The following HMCN2 variants were observed in gnomAD, a reference collection of about 807,000 sequenced individuals.
The protein encoded by HMCN2 is hemicentin-2.
Under a neutral mutation model 377.5 loss-of-function variants are expected in HMCN2, and 325 were observed. The observed-to-expected ratio is 0.86, with a 90% CI of 0.79 to 0.94. The LOEUF is 0.94. Ranked by LOEUF, HMCN2 falls within the 40% of genes least tolerant of loss-of-function variation. The pLI is 0.00. For synonymous variants in HMCN2, 2,007 were observed against 2,046.8 expected (o/e 0.98, Z 0.53); for missense variants, 4,543 against 4,725.3 (o/e 0.96, Z 1.13).
At position 130,306,125 on chromosome 9, in the gene HMCN2, A is replaced by G. The variant is rs1554936590; in HGVS notation, c.1817-4A>G. On this transcript the variant is annotated splice_polypyrimidine_tract_variant and splice_region_variant and intron_variant, in intron 11 of 97. Coordinates refer to ENST00000683500, the MANE Select transcript of HMCN2 (RefSeq NM_001291815.2). ...TCCTCGCCTATCCACTTTTTGGGTC[A>G]CAGAGGCCCCACAGGTCAGCATCCA... is the stretch of plus-strand genomic sequence containing the variant. 2 of 471,028 alleles carry G rather than the reference A, an allele frequency of 4.2e-6. No homozygotes were observed. Among genetic ancestry groups the G allele is most frequent in the South Asian group, 3.1e-5 (2 of 64,562 alleles). The allele number at this position is 471,028 out of a possible 1,614,324, so 29.2% of individuals were successfully genotyped here.
Position 130,351,409 on chromosome 9 carries a change from G to T in HMCN2, c.4431-14G>T. On this transcript the variant is annotated splice_polypyrimidine_tract_variant and intron_variant, in intron 29 of 97. Transcript: ENST00000683500. This position sits in a 1 kb window ranked among gnomAD's most constrained non-coding sequence, Gnocchi z 5.4. ...TCGGCCTTACTGGCGCTTTTCCCTT[G>T]CCCGTCTCTCCAGGCCTGTCCTTCC... 7.7e-7 allele frequency: 1 copy of T among 1,296,440 alleles called. No individual in the cohort carries two copies. The highest frequency in any genetic ancestry group is 1.0e-6 in the Non-Finnish European group (1 of 983,174). The allele number at this position is 1,296,440 out of a possible 1,614,324, so 80.3% of individuals were successfully genotyped here. A position where few individuals can be genotyped will look rare whatever the true frequency, so the allele number is the denominator to read the frequency against.
chr9:130,302,107 T>C (rs2131337322), intron 8 of HMCN2, among the ~76,000 whole-genome samples: 1 of 151,860 alleles, frequency 6.6e-6, no homozygotes, highest in Non-Finnish European at 1.5e-5. Flanking sequence ...AGTGGTGTGA[T>C]CTTGGCTCAC....
chr9:130,429,367 T>C (rs762401301), intron 93 of HMCN2, 190 bp from the exon 94 acceptor site: 159 of 663,454 alleles, frequency 2.4e-4, no homozygotes, highest in Non-Finnish European at 3.7e-4. Flanking sequence ...CTCTGGGACC[T>C]GGAACCCTGT....
In HMCN2 at chr9:130,394,572, G is replaced by A; in HGVS notation, c.10689G>A (p.Val3563=). The A allele has an allele frequency of 7.8e-7, 1 of 1,284,758 alleles. No homozygotes were observed. Among genetic ancestry groups the A allele is most frequent in the Admixed American group, 2.3e-5 (1 of 43,280 alleles). The allele number at this position is 1,284,758 out of a possible 1,614,324, so 79.6% of individuals were successfully genotyped here. The change falls in exon 69 of 98, where the codon GTG becomes GTA. Residue 3563 remains valine (V), a synonymous_variant. Coordinates refer to ENST00000683500, the MANE Select transcript of HMCN2 (RefSeq NM_001291815.2). This position sits in a 1 kb window ranked among gnomAD's most constrained non-coding sequence, Gnocchi z 5.1. ...CACGGGTGCTCCGGGTGGAGAATGTGCAGGTACCAGTGCCGCCGCCATGGG... is the reference window on the plus strand; with the variant it reads ...CACGGGTGCTCCGGGTGGAGAATGTACAGGTACCAGTGCCGCCGCCATGGG... ...RATRVLRVEN[V]QVRDAGLYTC...
At position 130,392,239 on chromosome 9, in the gene HMCN2, C is replaced by T. The variant is rs530408749; in HGVS notation, c.10136+121C>T. ...GCAACACCCACTCCCCACCCCACAG[C>T]GAGTGTGGACTGCGCCCCAGATGCT... On this transcript the variant is annotated intron_variant, in intron 66 of 97. Transcript: ENST00000683500. 9 of 659,174 alleles carry T rather than the reference C, an allele frequency of 1.4e-5. No homozygotes were observed. In the South Asian group the frequency reaches 2.0e-4, roughly 15 times the overall value. 40.8% of individuals were successfully genotyped at this position (659,174 alleles called of 1,614,324 possible).
chr9:130,399,894 C>T (rs1165178254), intron 76 of HMCN2, among the ~76,000 whole-genome samples: 1 of 152,172 alleles, frequency 6.6e-6, no homozygotes. Context: ...CTTGTCATCA[C>T]CCCCGTTAAA....
chr9:130,406,023 C>T lies in HMCN2; in HGVS notation c.12408C>T (p.His4136=), dbSNP rs1382804007. The change falls in exon 82 of 98, where the codon CAC becomes CAT. Residue 4136 remains histidine (H), a synonymous_variant. Transcript: ENST00000683500. The part of the protein sequence containing the change: ...NAVGRARRRV[H]LTILVLPVFT... ...TGGGCCGGGCCCGCCGCCGCGTGCA[C>T]CTCACCATCCTGGTACTGCCTGTGT... 1 of 1,289,844 alleles carries T rather than the reference C, an allele frequency of 7.8e-7. No homozygotes were observed. The highest frequency in any genetic ancestry group is 5.5e-5 in the East Asian group (1 of 18,026). 79.9% of individuals were successfully genotyped at this position (1,289,844 alleles called of 1,614,324 possible). A position where few individuals can be genotyped will look rare whatever the true frequency, so the allele number is the denominator to read the frequency against.
At chr9:130,400,070 G>A (rs1842789697) in intron 76 of HMCN2, among the ~76,000 whole-genome samples, 1 of 152,168 alleles carries the variant, frequency 6.6e-6, no homozygotes, top group African/African-American at 2.4e-5. Context: ...TTGCCTCAAG[G>A]GGTTTGCACA....
At chr9:130,344,335 TGTATGTGATGTGTGTATGTA>T (rs1839224509) in intron 25 of HMCN2, among the ~76,000 whole-genome samples, 1 of 151,832 alleles carries the variant, frequency 6.6e-6, no homozygotes, top group African/African-American at 2.4e-5. Context: ...GTGTTCTGTG[TGTATGTGATGTGTGTATGTA>T]GTATGTGGTG....
intron 84 of HMCN2, 38 bp downstream of exon 84, chr9:130,408,971 G>T (rs748281267): frequency 8.0e-7 from 1 of 1,251,102 alleles, no homozygotes. Context: ...GGGCCACTGA[G>T]GACAACTCTA....
rs147315533 is a variant in HMCN2 at position 130,390,798 on chromosome 9, A to C, written c.9524-179A>C. ...AGAGCAAATCCTGGACACTGAAGGG[A>C]GGGGGTCCCTTGGGAAGAGCTGTCT... On this transcript the variant is annotated intron_variant, in intron 62 of 97. Coordinates refer to ENST00000683500, the MANE Select transcript of HMCN2 (RefSeq NM_001291815.2). Among the ~76,000 whole-genome samples, 992 of 151,930 alleles carry C rather than the reference A, an allele frequency of 6.5e-3. 3 individuals carry two copies. Among genetic ancestry groups the C allele is most frequent in the Non-Finnish European group, 9.7e-3 (658 of 67,948 alleles).
chr9:130,365,736 C>G lies in HMCN2; in HGVS notation c.6505+9C>G. The G allele has an allele frequency of 1.0e-6, 1 of 985,146 alleles. No individual in the cohort carries two copies. 61.0% of individuals were successfully genotyped at this position (985,146 alleles called of 1,614,324 possible). The stretch of plus-strand genomic sequence containing the variant: ...CAATCTGAACGTCTGGGGTGAGGGT[C>G]TCCCAGGCTGGGCAGGGGGAGGGGG... On this transcript the variant is annotated intron_variant, in intron 42 of 97. Coordinates refer to ENST00000683500, the MANE Select transcript of HMCN2 (RefSeq NM_001291815.2).
At chr9:130,374,127 A>G (rs1443057884) in intron 48 of HMCN2, among the ~76,000 whole-genome samples, 1 of 149,830 alleles carries the variant, frequency 6.7e-6, no homozygotes, top group Non-Finnish European at 1.5e-5. Flanking sequence ...GGGTGTGTGG[A>G]CGAATAGAGA....
intron 15 of HMCN2, among the ~76,000 whole-genome samples, chr9:130,317,773 G>C (rs1278635752): frequency 7.1e-6 from 1 of 140,528 alleles, no homozygotes. Context: ...GCGACAGAGC[G>C]AGACTCTGTC....
At position 130,350,734 on chromosome 9, in the gene HMCN2, A is replaced by AAAAAT. The variant is rs767172633; in HGVS notation, c.4431-688_4431-687insAAATA. On this transcript the variant is annotated intron_variant, in intron 29 of 97. Transcript: ENST00000683500. ...ACCTCGTCTCTACTAAAAATACAAA[A>AAAAAT]ATATATATATATATATACGGGCATG... 2.4e-3 allele frequency among the ~76,000 whole-genome samples: 350 copies of AAAAAT among 148,446 alleles called. 3 individuals carry two copies. Among genetic ancestry groups the AAAAAT allele is most frequent in the South Asian group, 0.013 (60 of 4,626 alleles).
At chr9:130,317,507 T>TCTCTCTC (rs1837627187) in intron 15 of HMCN2, among the ~76,000 whole-genome samples, 1 of 132,960 alleles carries the variant, frequency 7.5e-6, no homozygotes, top group African/African-American at 2.9e-5. Flanking sequence ...CTCTCTCTCT[T>TCTCTCTC]TTTTGTAGAC....
Position 130,418,994 on chromosome 9 carries a change from A to C in HMCN2, c.13184A>C (p.His4395Pro). ...GCAGGCACCTACGACTGCGTCGCTC[A>C]CAACCTCCTGGGCTCTGCCACAGCC... is the stretch of plus-strand genomic sequence containing the variant. ...GDAGTYDCVA[H>P]NLLGSATARA... Residue 4395 changes from histidine (H) to proline (P), a missense_variant, in exon 86 of 98, where the codon CAC becomes CCC. By Grantham distance (77) the His-to-Pro change is moderately conservative. Transcript: ENST00000683500. 1 of 1,505,910 alleles carries C rather than the reference A, an allele frequency of 6.6e-7. No individual in the cohort carries two copies. Among genetic ancestry groups the C allele is most frequent in the East Asian group, 2.5e-5 (1 of 40,362 alleles). The allele number at this position is 1,505,910 out of a possible 1,614,324, so 93.3% of individuals were successfully genotyped here.
chr9:130,348,503 A>T, intron 26 of HMCN2, 42 bp from the exon 27 acceptor site: 1 of 1,297,926 alleles, frequency 7.7e-7, no homozygotes, highest in South Asian at 1.2e-5. Context: ...TGTGGCTCTA[A>T]GGGGGCAGGG....
rs1302071634 is a variant in HMCN2 at position 130,349,092 on chromosome 9, G to T, written c.4264G>T (p.Ala1422Ser). The change falls in exon 28 of 98, where the codon GCT becomes TCT. Residue 1422 changes from alanine (A) to serine (S), a missense_variant. Physicochemically the swap from Ala to Ser is moderately conservative, Grantham distance 99 (BLOSUM62 1). Coordinates refer to ENST00000683500, the MANE Select transcript of HMCN2 (RefSeq NM_001291815.2). Reference sequence around the variant, plus strand: ...CTACTCCTGCCGGGCAGAGAACCAGGCTGGCACCGCCCAGAGGGACTTCCA... The same window carrying T: ...CTACTCCTGCCGGGCAGAGAACCAGTCTGGCACCGCCCAGAGGGACTTCCA... ...GLYSCRAENQ[A>S]GTAQRDFHLL... 2.3e-6 allele frequency: 3 copies of T among 1,304,232 alleles called. No homozygotes were observed. The highest frequency in any genetic ancestry group is 3.0e-6 in the Non-Finnish European group (3 of 988,920). 80.8% of individuals were successfully genotyped at this position (1,304,232 alleles called of 1,614,324 possible).
Sources: allele counts gnomAD v4.1 joint callset (sites outside exome capture counted in the v4.1 genomes callset), GRCh38; gene constraint gnomAD v4.1.1; non-coding constraint Gnocchi (gnomAD v3.1); transcripts MANE v1.5; gene names NCBI Gene and HGNC (gene_info 2026-07-23, HGNC 2026-07-21).